LCP2: variants seen among roughly 807,000 people sequenced by gnomAD.
LCP2 encodes the protein 76 kDa tyrosine phosphoprotein.
Under a neutral mutation model 74.5 loss-of-function variants are expected in LCP2, and 29 were observed. The ratio of observed to expected loss-of-function variants is 0.39; its 90% confidence interval spans 0.29 to 0.53. The LOEUF (loss-of-function observed/expected upper bound fraction) is 0.53. Ranked by LOEUF, LCP2 falls within the 20% of genes least tolerant of loss-of-function variation. The pLI, the probability that LCP2 is intolerant of heterozygous loss-of-function variation, is 0.72. For synonymous variants in LCP2, 228 were observed against 229.5 expected (o/e 0.99, Z 0.06); for missense variants, 604 against 634.6 (o/e 0.95, Z 0.52).
chr5:170,281,149 G>A (rs1381480347), intron 3 of LCP2, among the ~76,000 whole-genome samples: 1 of 152,328 alleles, frequency 6.6e-6, no homozygotes, highest in East Asian at 1.9e-4. Context: ...AGCCAAGGGA[G>A]GCACCTTTCC....
intron 10 of LCP2, among the ~76,000 whole-genome samples, chr5:170,266,173 G>GT (rs1355449107): frequency 6.6e-6 from 1 of 152,190 alleles, no homozygotes; most frequent in African/African-American, 2.4e-5. Context: ...ATAGCTGCAC[G>GT]TGAAGGTAAC....
chr5:170,252,932 G>A (rs994385017), intron 18 of LCP2, among the ~76,000 whole-genome samples, 187 bp downstream of exon 18: 3 of 152,160 alleles, frequency 2.0e-5, no homozygotes, highest in Non-Finnish European at 2.9e-5. Context: ...CATTGAAAGC[G>A]TCTGAAAGAA....
At position 170,257,767 on chromosome 5, in the gene LCP2, G is replaced by A. The variant is rs116226957; in HGVS notation, c.1100+270C>T. 7.1e-3 allele frequency among the ~76,000 whole-genome samples: 1,086 copies of A among 152,170 alleles called. 12 individuals are homozygous for A. The highest frequency in any genetic ancestry group is 0.024 in the African/African-American group (1,009 of 41,516). On this transcript the variant is annotated intron_variant, in intron 16 of 20. Transcript: ENST00000046794. ...AACTCATAAAGTGAAAATATTCTTT[G>A]TTTTCTACCAAAAGGCCCATTCTAT...
At chr5:170,250,659 TCG>T in intron 20 of LCP2, 69 bp downstream of exon 20, 1 of 1,193,320 alleles carries the variant, frequency 8.4e-7, no homozygotes, top group Non-Finnish European at 1.3e-6. Flanking sequence ...CTCTCAAAGA[TCG>T]CTCCATGAAG....
At chr5:170,250,415 A>G (rs180806989) in intron 20 of LCP2, among the ~76,000 whole-genome samples, 1 of 152,368 alleles carries the variant, frequency 6.6e-6, no homozygotes, top group Admixed American at 6.5e-5. Context: ...ATTATGCCAC[A>G]GAGGTGAATA....
chr5:170,252,551 G>C, intron 18 of LCP2, 40 bp from the exon 19 acceptor site: 1 of 1,016,556 alleles, frequency 9.8e-7, no homozygotes, highest in Non-Finnish European at 1.5e-6. Context: ...AAATTTTACA[G>C]TTACAGATGT....
At chr5:170,284,127 T>C (rs560359063) in intron 3 of LCP2, among the ~76,000 whole-genome samples, 9 of 152,340 alleles carry the variant, frequency 5.9e-5, no homozygotes, top group African/African-American at 1.9e-4. Flanking sequence ...AATAAAGTAT[T>C]ATTGAAATAT....
intron 1 of LCP2, among the ~76,000 whole-genome samples, chr5:170,294,187 A>G (rs1762334115): frequency 6.6e-6 from 1 of 152,232 alleles, no homozygotes; most frequent in Admixed American, 6.5e-5. Flanking sequence ...CATAACTTAT[A>G]TACAGTAAGT....
chr5:170,293,655 C>G (rs994115963), intron 1 of LCP2, among the ~76,000 whole-genome samples: 1 of 152,224 alleles, frequency 6.6e-6, no homozygotes, highest in African/African-American at 2.4e-5. Context: ...CCCTATGCTC[C>G]TCAGGAAGGA....
intron 3 of LCP2, among the ~76,000 whole-genome samples, chr5:170,284,360 G>C (rs1242595959): frequency 1.3e-5 from 2 of 151,554 alleles, no homozygotes; most frequent in Admixed American, 1.3e-4. Flanking sequence ...TTTTTGCCTA[G>C]TATTGAACTC....
intron 10 of LCP2, among the ~76,000 whole-genome samples, chr5:170,264,000 C>G (rs953711619): frequency 6.6e-6 from 1 of 152,190 alleles, no homozygotes; most frequent in Non-Finnish European, 1.5e-5. Context: ...CATAACATTG[C>G]TCCAGAAATG....
At chr5:170,274,432 C>T (rs1761950430) in intron 5 of LCP2, 94 bp from the exon 6 acceptor site, 1 of 1,285,258 alleles carries the variant, frequency 7.8e-7, no homozygotes, top group Non-Finnish European at 1.1e-6. Context: ...CCTTCCCTCA[C>T]CAATGCCCCT....
intron 6 of LCP2, chr5:170,273,919 AC>A (rs374003711): frequency 0.48 from 83,555 of 174,700 alleles, 20,369 homozygotes; most frequent in Middle Eastern, 0.65. Flanking sequence ...ATTTTTGGAG[AC>A]GGGGGGGTAG....
intron 3 of LCP2, 161 bp downstream of exon 3, chr5:170,287,809 T>C (rs936884050): frequency 2.9e-6 from 2 of 681,918 alleles, no homozygotes; most frequent in African/African-American, 1.8e-5. Context: ...CAGCTCTTCA[T>C]GTAACTTCTG....
chr5:170,258,291 G>A, intron 15 of LCP2, 125 bp from the exon 16 acceptor site: 1 of 972,490 alleles, frequency 1.0e-6, no homozygotes, highest in Non-Finnish European at 1.5e-6. Context: ...AAGCAGATCA[G>A]ATGTAATTAG....
At chr5:170,267,431 G>A in intron 8 of LCP2, 1 of 318,036 alleles carries the variant, frequency 3.1e-6, no homozygotes, top group South Asian at 4.1e-5. Context: ...GTACTCATGG[G>A]GTCCCTACCA....
chr5:170,270,988 C>G (rs1030093861), intron 6 of LCP2, 71 bp from the exon 7 acceptor site: 3 of 1,328,936 alleles, frequency 2.3e-6, no homozygotes, highest in Non-Finnish European at 3.1e-6. Flanking sequence ...TGTGCCTACT[C>G]TCTCCCTGCC....
At chr5:170,258,562 G>A (rs3804254) in intron 15 of LCP2, 177,272 of 360,464 alleles carry the variant, frequency 0.49, 44,261 homozygotes, top group Middle Eastern at 0.54. Context: ...CTTTACCCAC[G>A]TGTGTTAGAA....
Position 170,270,832 on chromosome 5 carries a change from G to A in LCP2, c.410C>T (p.Ala137Val), listed in dbSNP as rs377728331. Residue 137 changes from alanine (A) to valine (V), a missense_variant, in exon 7 of 21, where the codon GCA becomes GTA. By Grantham distance (64) the Ala-to-Val change is moderately conservative. Transcript: ENST00000046794. ...DYESPNEEEE[A>V]PVEDDADYEP... Reference sequence around the variant, plus strand: ...ATAATCCGCGTCATCTTCCACGGGTGCCTCTTCCTCCTCATTGGGGGACTC... The same window carrying A: ...ATAATCCGCGTCATCTTCCACGGGTACCTCTTCCTCCTCATTGGGGGACTC... 21 of 1,611,996 alleles carry A rather than the reference G, an allele frequency of 1.3e-5. No homozygotes were observed. The highest frequency in any genetic ancestry group is 1.7e-5 in the Non-Finnish European group (20 of 1,178,982).
Sources: allele counts gnomAD v4.1 joint callset (sites outside exome capture counted in the v4.1 genomes callset), GRCh38; gene constraint gnomAD v4.1.1; transcripts MANE v1.5; gene names NCBI Gene and HGNC (gene_info 2026-07-23, HGNC 2026-07-21).